KCNIP4: variants seen among roughly 807,000 people sequenced by gnomAD.
KCNIP4 encodes Kv channel-interacting protein 4.
Under a neutral mutation model 34.0 loss-of-function variants are expected in KCNIP4, and 12 were observed. That is an observed-to-expected ratio of 0.35 (90% CI 0.23 to 0.57). The LOEUF is 0.57. KCNIP4 is among the 20% of genes least tolerant of loss of function. The pLI, the probability that KCNIP4 is intolerant of heterozygous loss-of-function variation, is 0.83. For missense variants in KCNIP4, 238 were observed against 311.7 expected (o/e 0.76, Z 1.78); for synonymous variants, 124 against 102.2 (o/e 1.21, Z -1.29).
chr4:21,637,290 G>A (rs74494147), intron 1 of KCNIP4, among the ~76,000 whole-genome samples: 4,579 of 151,998 alleles, frequency 0.03, 179 homozygotes, highest in East Asian at 0.17. Flanking sequence ...AATACTTTAG[G>A]TAAATACTTT....
intron 1 of KCNIP4, among the ~76,000 whole-genome samples, chr4:21,454,916 G>A (rs1055164782): frequency 2.0e-5 from 3 of 151,990 alleles, no homozygotes; most frequent in African/African-American, 7.3e-5. Flanking sequence ...CCTCGAGTAG[G>A]GCAGTGACCA....
chr4:21,649,654 T>C (rs1577756745), intron 1 of KCNIP4, among the ~76,000 whole-genome samples: 1 of 152,326 alleles, frequency 6.6e-6, no homozygotes, highest in East Asian at 1.9e-4. Flanking sequence ...TTGTTCCTTT[T>C]ATCCTCTTCA....
rs115551872 is a variant in KCNIP4, at chr4:21,395,028, T to C, written c.62-512319A>G. 8.5e-3 allele frequency among the ~76,000 whole-genome samples: 1,291 copies of C among 152,250 alleles called. 19 individuals are homozygous for C. The highest frequency in any genetic ancestry group is 0.03 in the African/African-American group (1,241 of 41,538). ...TAAATAACATTTAATTATTTGATAATCTTTATATTGAATATAGAAAACTTA... is the reference window on the plus strand; with the variant it reads ...TAAATAACATTTAATTATTTGATAACCTTTATATTGAATATAGAAAACTTA... On this transcript the variant is annotated intron_variant, in intron 1 of 8. Coordinates refer to ENST00000382152, the MANE Select transcript of KCNIP4 (RefSeq NM_025221.6).
At chr4:20,776,172 C>T (rs1011854944) in intron 3 of KCNIP4, among the ~76,000 whole-genome samples, 2 of 152,126 alleles carry the variant, frequency 1.3e-5, no homozygotes, top group Admixed American at 6.6e-5. Context: ...GCAAGGGATT[C>T]TCTTCAAAAC....
intron 3 of KCNIP4, among the ~76,000 whole-genome samples, chr4:20,838,625 C>A (rs1446792119): frequency 3.9e-5 from 6 of 152,134 alleles, no homozygotes; most frequent in Non-Finnish European, 5.9e-5. Context: ...ACTATGACTA[C>A]CTCACTTTCC....
intron 1 of KCNIP4, among the ~76,000 whole-genome samples, chr4:21,093,455 C>T (rs1238581802): frequency 6.6e-6 from 1 of 152,112 alleles, no homozygotes; most frequent in Non-Finnish European, 1.5e-5. Context: ...TAACACTGTG[C>T]CCCAGGATGA....
At chr4:20,858,635 A>AT (rs141735612) in intron 2 of KCNIP4, among the ~76,000 whole-genome samples, 1,628 of 152,214 alleles carry the variant, frequency 0.011, 18 homozygotes, top group African/African-American at 0.037. Flanking sequence ...AACCCAAGCA[A>AT]CTCTTGGCCA....
intron 1 of KCNIP4, among the ~76,000 whole-genome samples, chr4:21,229,937 C>A (rs535801790): frequency 6.6e-6 from 1 of 152,186 alleles, no homozygotes; most frequent in African/African-American, 2.4e-5. Context: ...GCAGTATAAG[C>A]AACTGTATTG....
chr4:21,603,001 G>A (rs1191449954), intron 1 of KCNIP4, among the ~76,000 whole-genome samples: 1 of 152,004 alleles, frequency 6.6e-6, no homozygotes, highest in Non-Finnish European at 1.5e-5. Context: ...TATCTATTCA[G>A]CTTTGATTAT....
At chr4:20,772,488 T>G (rs1755986161) in intron 3 of KCNIP4, among the ~76,000 whole-genome samples, 1 of 152,148 alleles carries the variant, frequency 6.6e-6, no homozygotes, top group African/African-American at 2.4e-5. Flanking sequence ...TTTTTACAAA[T>G]AAATTGAAAT....
At chr4:21,240,289 G>T (rs190464019) in intron 1 of KCNIP4, among the ~76,000 whole-genome samples, 3,007 of 150,174 alleles carry the variant, frequency 0.02, 46 homozygotes, top group Non-Finnish European at 0.03. Flanking sequence ...ACGAGTCAAT[G>T]GGTGCAGCAC....
At chr4:20,840,687 A>G (rs558510408) in intron 3 of KCNIP4, among the ~76,000 whole-genome samples, 45 of 152,280 alleles carry the variant, frequency 3.0e-4, no homozygotes, top group Admixed American at 2.8e-3. Context: ...TCCTGTCCCC[A>G]ACGGAGTCAC....
intron 1 of KCNIP4, among the ~76,000 whole-genome samples, chr4:21,454,792 T>C (rs2109754140): frequency 6.6e-6 from 1 of 152,280 alleles, no homozygotes; most frequent in East Asian, 1.9e-4. Flanking sequence ...CTCAGCATTC[T>C]GGATATAGCA....
intron 1 of KCNIP4, among the ~76,000 whole-genome samples, chr4:21,710,849 G>C (rs922305895): frequency 1.3e-5 from 2 of 152,194 alleles, no homozygotes; most frequent in African/African-American, 4.8e-5. Flanking sequence ...GCCCTGTAAT[G>C]TGGATCTACT....
At chr4:21,195,549 T>C (rs1755996241) in intron 1 of KCNIP4, among the ~76,000 whole-genome samples, 1 of 152,212 alleles carries the variant, frequency 6.6e-6, no homozygotes, top group South Asian at 2.1e-4. Context: ...TTTTATGCCA[T>C]TGGATCTTCA....
intron 1 of KCNIP4, among the ~76,000 whole-genome samples, chr4:21,747,977 T>C (rs554863193): frequency 3.9e-5 from 6 of 152,114 alleles, no homozygotes; most frequent in Admixed American, 6.6e-5. Flanking sequence ...CCAAGGAACA[T>C]CAGGAGCCAC....
Position 21,422,569 on chromosome 4 carries a change from A to T in KCNIP4, c.61+526002T>A, listed in dbSNP as rs944024186. Among the ~76,000 whole-genome samples the T allele has an allele frequency of 4.7e-4, 72 of 152,058 alleles. 1 individual carries two copies. Among genetic ancestry groups the T allele is most frequent in the Admixed American group, 5.2e-4 (8 of 15,250 alleles). On this transcript the variant is annotated intron_variant, in intron 1 of 8. Coordinates refer to ENST00000382152, the MANE Select transcript of KCNIP4 (RefSeq NM_025221.6). ...ATTGCTTTAAGGGAAGATCTCATAA[A>T]GCAATCTTGGGGGTGATGCTTCAAG...
rs149304815 is a variant in KCNIP4 at position 21,207,697 on chromosome 4, G to A, written c.62-324988C>T. 2.0e-4 allele frequency among the ~76,000 whole-genome samples: 30 copies of A among 152,170 alleles called. No individual in the cohort carries two copies. In the East Asian group the frequency reaches 5.4e-3, roughly 27 times the overall value. On this transcript the variant is annotated intron_variant, in intron 1 of 8. Transcript: ENST00000382152. ...TTTCATATTAGATTATTAGTGCAAGGCTTTCCTAAAGCAATACACCTCTTA... is the reference window on the plus strand; with the variant it reads ...TTTCATATTAGATTATTAGTGCAAGACTTTCCTAAAGCAATACACCTCTTA...
chr4:21,929,863 C>G (rs1729465396), intron 1 of KCNIP4, among the ~76,000 whole-genome samples: 1 of 152,112 alleles, frequency 6.6e-6, no homozygotes, highest in Admixed American at 6.6e-5. Flanking sequence ...TGGAAAACTT[C>G]CCTTGCCTTG....
Sources: gnomAD v4.1 joint callset for allele counts (sites outside exome capture counted in the v4.1 genomes callset) on GRCh38, gnomAD v4.1.1 for gene constraint, MANE v1.5 for transcripts, NCBI Gene and HGNC (gene_info 2026-07-23, HGNC 2026-07-21) for gene names.